The following CDC42BPA variants were observed in gnomAD, a reference collection of about 807,000 sequenced individuals.
The protein encoded by CDC42BPA is CDC42 binding protein kinase alpha.
CDC42BPA carries 80 observed loss-of-function variants against 223.5 expected under a neutral mutation model. The observed-to-expected ratio is 0.36, with a 90% confidence interval of 0.30 to 0.43. CDC42BPA has a LOEUF of 0.43. CDC42BPA is among the 20% of genes least tolerant of loss of function. CDC42BPA has a pLI of 1.00. For synonymous variants in CDC42BPA, 694 were observed against 718.6 expected (o/e 0.97, Z 0.55); for missense variants, 1,743 against 2,099.9 (o/e 0.83, Z 3.32).
chr1:227,075,340 T>A (rs1204847693), intron 17 of CDC42BPA, among the ~76,000 whole-genome samples: 9 of 152,206 alleles, frequency 5.9e-5, no homozygotes, highest in Non-Finnish European at 1.0e-4. Context: ...GCAGACATGT[T>A]TAACTCCTGA....
intron 5 of CDC42BPA, among the ~76,000 whole-genome samples, chr1:227,161,331 T>C (rs1663850646): frequency 6.6e-6 from 1 of 152,232 alleles, no homozygotes; most frequent in South Asian, 2.1e-4. Context: ...GACTTAACAA[T>C]ATTAAGTTTC....
intron 2 of CDC42BPA, among the ~76,000 whole-genome samples, chr1:227,214,943 C>G (rs1487326338): frequency 6.6e-6 from 1 of 152,140 alleles, no homozygotes; most frequent in Admixed American, 6.6e-5. Context: ...AATCCCTTAT[C>G]TGCAATTCTC....
chr1:227,159,909 T>TCCACTCCA (rs1663562913), intron 6 of CDC42BPA, among the ~76,000 whole-genome samples: 1 of 151,728 alleles, frequency 6.6e-6, no homozygotes, highest in Non-Finnish European at 1.5e-5. Flanking sequence ...AGTGGTGCAA[T>TCCACTCCA]CTTGGCTCAC....
chr1:227,074,069 A>G (rs1007216466), intron 18 of CDC42BPA, 57 bp from the exon 19 acceptor site: 2 of 1,546,756 alleles, frequency 1.3e-6, no homozygotes, highest in African/African-American at 1.4e-5. Context: ...TTAAATTATT[A>G]TAGTTAACCA....
chr1:227,253,136 C>T (rs1682320696), intron 2 of CDC42BPA, among the ~76,000 whole-genome samples: 1 of 151,924 alleles, frequency 6.6e-6, no homozygotes. Flanking sequence ...TGTCTGCAAA[C>T]TGATCTCCAG....
chr1:227,251,594 C>A (rs562131717), intron 2 of CDC42BPA, among the ~76,000 whole-genome samples: 1 of 152,100 alleles, frequency 6.6e-6, no homozygotes, highest in African/African-American at 2.4e-5. Context: ...CCACTAATAT[C>A]AGATTAAGGA....
At chr1:227,310,455 T>C (rs1455226286) in intron 1 of CDC42BPA, among the ~76,000 whole-genome samples, 4 of 152,108 alleles carry the variant, frequency 2.6e-5, no homozygotes, top group African/African-American at 7.2e-5. Context: ...AGCCAGGTCT[T>C]TGTGCCCCGT....
At chr1:227,196,661 A>C (rs1161832505) in intron 4 of CDC42BPA, among the ~76,000 whole-genome samples, 1 of 152,160 alleles carries the variant, frequency 6.6e-6, no homozygotes, top group Non-Finnish European at 1.5e-5. Context: ...TTTCTTAAAA[A>C]AATTACTTTT....
chr1:227,003,358 T>C, intron 35 of CDC42BPA, among the ~76,000 whole-genome samples: 1 of 150,712 alleles, frequency 6.6e-6, no homozygotes, highest in East Asian at 2.0e-4. Context: ...GCTGGCACAC[T>C]CGATCGACAC....
In CDC42BPA at chr1:227,245,333, G is replaced by A. The variant is rs544400010; in HGVS notation, c.270+8731C>T. The stretch of plus-strand genomic sequence containing the variant: ...GAGACGGAGTCTCACTTTGTCGCCT[G>A]GGCTGGAGTACAGTGGTGCCATCTC... On this transcript the variant is annotated intron_variant, in intron 2 of 36. Transcript: ENST00000366766. 5.9e-5 allele frequency among the ~76,000 whole-genome samples: 8 copies of A among 135,202 alleles called. No individual in the cohort carries two copies. In the South Asian group the frequency reaches 1.9e-3, roughly 31 times the overall value. The allele number at this position is 135,202 out of a possible 152,430, so 88.7% of individuals were successfully genotyped here.
rs147643170 is a variant in CDC42BPA at position 227,182,066 on chromosome 1, C to G, written c.599+11720G>C. Among the ~76,000 whole-genome samples, 67 of 152,210 alleles carry G rather than the reference C, an allele frequency of 4.4e-4. 1 individual carries two copies. In the East Asian group the frequency reaches 0.013, roughly 29 times the overall value. On this transcript the variant is annotated intron_variant, in intron 5 of 36. Coordinates refer to ENST00000366766, the MANE Select transcript of CDC42BPA (RefSeq NM_001394014.1). ...CCGTAAGACATTGTAGGTATGCTCTCAGCTATCATGATTTTCCTCCTAACC... is the reference window on the plus strand; with the variant it reads ...CCGTAAGACATTGTAGGTATGCTCTGAGCTATCATGATTTTCCTCCTAACC...
At chr1:227,096,420 T>C (rs940593483) in intron 15 of CDC42BPA, among the ~76,000 whole-genome samples, 10 of 152,236 alleles carry the variant, frequency 6.6e-5, no homozygotes, top group Non-Finnish European at 1.5e-5. Flanking sequence ...TCCTAAATCC[T>C]TGTCTTCCCA....
At chr1:227,287,766 C>T (rs1394928275) in intron 1 of CDC42BPA, among the ~76,000 whole-genome samples, 6 of 152,128 alleles carry the variant, frequency 3.9e-5, no homozygotes, top group Admixed American at 1.3e-4. Context: ...ATACATAAGA[C>T]GTATGGTGAT....
chr1:227,086,675 GT>G (rs989772047), intron 16 of CDC42BPA, among the ~76,000 whole-genome samples: 24 of 143,576 alleles, frequency 1.7e-4, no homozygotes, highest in Non-Finnish European at 2.7e-4. Context: ...ATTTTAAGAG[GT>G]TTTTTTTTCC....
chr1:227,091,700 C>T (rs1419217048), intron 16 of CDC42BPA, among the ~76,000 whole-genome samples, 186 bp downstream of exon 16: 1 of 152,152 alleles, frequency 6.6e-6, no homozygotes, highest in Admixed American at 6.5e-5. Flanking sequence ...AAGCAAAACT[C>T]TCTCTTCAGA....
At chr1:227,144,197 T>C (rs192836991) in intron 8 of CDC42BPA, among the ~76,000 whole-genome samples, 48 of 152,270 alleles carry the variant, frequency 3.2e-4, no homozygotes, top group Admixed American at 1.9e-3. Context: ...TGTTAAGTCA[T>C]ATAACATTAA....
At chr1:227,141,676 G>A (rs1189760932) in intron 9 of CDC42BPA, among the ~76,000 whole-genome samples, 1 of 152,190 alleles carries the variant, frequency 6.6e-6, no homozygotes, top group Non-Finnish European at 1.5e-5. Flanking sequence ...AGATGCAGTG[G>A]CTCACATCTG....
intron 5 of CDC42BPA, among the ~76,000 whole-genome samples, chr1:227,162,962 A>C (rs1206852835): frequency 7.1e-6 from 1 of 140,922 alleles, no homozygotes; most frequent in African/African-American, 2.7e-5. Context: ...ATATGTTTCC[A>C]AACGTGTGTA....
At chr1:227,169,336 C>T (rs557600971) in intron 5 of CDC42BPA, among the ~76,000 whole-genome samples, 3 of 152,200 alleles carry the variant, frequency 2.0e-5, no homozygotes, top group African/African-American at 7.2e-5. Flanking sequence ...TCTGAATGTT[C>T]CCTGAACATA....
Sources: allele counts gnomAD v4.1 joint callset (sites outside exome capture counted in the v4.1 genomes callset), GRCh38; gene constraint gnomAD v4.1.1; transcripts MANE v1.5; gene names NCBI Gene and HGNC (gene_info 2026-07-23, HGNC 2026-07-21).